Variants in GJB7 observed in about 807,000 individuals in gnomAD.
GJB7 encodes gap junction beta-7 protein.
For synonymous variants in GJB7, 87 were observed against 95.2 expected (o/e 0.91, Z 0.50); for missense variants, 253 against 256.8 (o/e 0.99, Z 0.10).
chr6:87,322,330 C>T (rs1413152913), intron 2 of GJB7: 1 of 152,204 alleles, frequency 6.6e-6, no homozygotes, highest in Non-Finnish European at 1.5e-5. Context: ...CAAACATACA[C>T]ACCGAACTGG....
intron 2 of GJB7, among the ~76,000 whole-genome samples, chr6:87,288,249 A>G (rs891047723): frequency 1.3e-5 from 2 of 152,226 alleles, no homozygotes; most frequent in Non-Finnish European, 2.9e-5. Context: ...TCTTTACAAT[A>G]AGAATATACA....
At chr6:87,323,734 T>C (rs1562218942) in intron 1 of GJB7, among the ~76,000 whole-genome samples, 1 of 152,126 alleles carries the variant, frequency 6.6e-6, no homozygotes, top group African/African-American at 2.4e-5. Context: ...GCAATAAACA[T>C]ACGTGTGCTT....
chr6:87,315,141 T>C (rs977565614), intron 2 of GJB7, among the ~76,000 whole-genome samples: 1 of 152,174 alleles, frequency 6.6e-6, no homozygotes, highest in Non-Finnish European at 1.5e-5. Context: ...AGTTGTTTTC[T>C]GGATGCTGCT....
In GJB7 at chr6:87,294,461, G is replaced by T. The variant is rs117082048; in HGVS notation, c.-27-9522C>A. Among the ~76,000 whole-genome samples the T allele has an allele frequency of 1.1e-3, 166 of 152,316 alleles. 3 individuals carry two copies. In the East Asian group the frequency reaches 0.028, roughly 25 times the overall value. On this transcript the variant is annotated intron_variant, in intron 2 of 2. Transcript: ENST00000525899. ...GCCCTATGAGAAGAACATGGTCAAG[G>T]TTCTAAGCATTAGCACCAGAGCTGG...
intron 2 of GJB7, among the ~76,000 whole-genome samples, chr6:87,312,463 A>G (rs1322743322): frequency 2.7e-5 from 4 of 150,298 alleles, no homozygotes; most frequent in African/African-American, 9.8e-5. Flanking sequence ...GTGAGCCGAG[A>G]TGACACCACT....
intron 2 of GJB7, among the ~76,000 whole-genome samples, chr6:87,306,339 AC>A (rs1776427399): frequency 6.6e-6 from 1 of 151,916 alleles, no homozygotes; most frequent in Admixed American, 6.6e-5. Flanking sequence ...AAGAAAAAAA[AC>A]AACCCCATCA....
chr6:87,297,706 T>G (rs1481626470), intron 2 of GJB7, among the ~76,000 whole-genome samples: 1 of 152,166 alleles, frequency 6.6e-6, no homozygotes, highest in East Asian at 1.9e-4. Context: ...TCTAGTAGAT[T>G]ATAGAAACAT....
chr6:87,303,966 T>C (rs1395766298), intron 2 of GJB7, among the ~76,000 whole-genome samples: 3 of 152,148 alleles, frequency 2.0e-5, no homozygotes, highest in Non-Finnish European at 4.4e-5. Flanking sequence ...AAAGATGTTC[T>C]TTGAAACCCA....
intron 2 of GJB7, among the ~76,000 whole-genome samples, chr6:87,297,732 A>C (rs1180119895): frequency 6.6e-6 from 1 of 152,146 alleles, no homozygotes; most frequent in African/African-American, 2.4e-5. Flanking sequence ...GGCTTCCACA[A>C]ATGATTACAG....
chr6:87,302,292 T>C (rs1040467412), intron 2 of GJB7, among the ~76,000 whole-genome samples: 1 of 151,906 alleles, frequency 6.6e-6, no homozygotes, highest in Non-Finnish European at 1.5e-5. Flanking sequence ...AAAAATTAGA[T>C]GAATGGCTAA....
intron 1 of GJB7, among the ~76,000 whole-genome samples, chr6:87,325,566 A>C (rs1375461556): frequency 6.7e-6 from 1 of 149,994 alleles, no homozygotes; most frequent in Non-Finnish European, 1.5e-5. Flanking sequence ...GCTGGATTAC[A>C]TTTATTGATT....
rs1562206982 is a variant in GJB7 at position 87,284,584 on chromosome 6, T to TA, written c.328dup (p.Tyr110LeufsTer22). On this transcript the variant is annotated frameshift_variant, in exon 3 of 3. Transcript: ENST00000525899. LOFTEE classifies it low-confidence loss of function (END_TRUNC). The stretch of plus-strand genomic sequence containing the variant: ...CCCATCCATTGTACCTGGGCTGACA[T>TA]AGAGTTTCTTTCTGTGCCTTTTCTC... 2.1e-5 allele frequency: 34 copies of TA among 1,614,126 alleles called. No individual in the cohort carries two copies. In the East Asian group the frequency reaches 7.6e-4, roughly 36 times the overall value.
intron 2 of GJB7, among the ~76,000 whole-genome samples, chr6:87,321,849 G>C (rs1029137434): frequency 6.6e-6 from 1 of 152,192 alleles, no homozygotes; most frequent in Non-Finnish European, 1.5e-5. Flanking sequence ...AGGAGAGAGA[G>C]AGAAAGAGAG....
chr6:87,298,089 G>T (rs1483991065), intron 2 of GJB7, among the ~76,000 whole-genome samples: 2 of 152,196 alleles, frequency 1.3e-5, no homozygotes, highest in African/African-American at 2.4e-5. Flanking sequence ...AAAGGGAATG[G>T]AGGGCTCTCC....
intron 2 of GJB7, chr6:87,300,303 G>T: frequency 5.6e-6 from 1 of 177,246 alleles, no homozygotes; most frequent in South Asian, 1.6e-4. Flanking sequence ...AGGAAAAATT[G>T]ACCCAACAAA....
rs544234482 is a variant in GJB7, at chr6:87,283,141, T to C, written c.*1100A>G. On this transcript the variant is annotated 3_prime_UTR_variant, in exon 3 of 3. Transcript: ENST00000525899. ...AACTTTTAAAACATTTTTGCACCAC[T>C]GTAACAACATAGTACACATTTTACT... The C allele has an allele frequency of 6.6e-6, 1 of 152,246 alleles. No homozygotes were observed. The highest frequency in any genetic ancestry group is 2.4e-5 in the African/African-American group (1 of 41,472). 9.4% of individuals were successfully genotyped at this position (152,246 alleles called of 1,614,324 possible). A position where few individuals can be genotyped will look rare whatever the true frequency, so the allele number is the denominator to read the frequency against.
At chr6:87,318,075 G>C (rs910950615) in intron 2 of GJB7, among the ~76,000 whole-genome samples, 1 of 150,618 alleles carries the variant, frequency 6.6e-6, no homozygotes, top group Non-Finnish European at 1.5e-5. Flanking sequence ...GGAAGAAAAA[G>C]AGTAATGAAT....
chr6:87,285,381 G>A (rs969644828), intron 2 of GJB7, among the ~76,000 whole-genome samples: 1 of 152,068 alleles, frequency 6.6e-6, no homozygotes, highest in African/African-American at 2.4e-5. Context: ...TCTCTAATTC[G>A]TTAATGCCCT....
At position 87,322,915 on chromosome 6, in the gene GJB7, C is replaced by G. The variant is rs573395810; in HGVS notation, c.-77G>C. On this transcript the variant is annotated 5_prime_UTR_variant, in exon 2 of 3. Transcript: ENST00000525899. ...GCTTCATCCATGGACACCCCCACCC[C>G]GAGAACTCTCTCGTTTCCTGCAGTT... 17 of 152,344 alleles carry G rather than the reference C, an allele frequency of 1.1e-4. No homozygotes were observed. The highest frequency in any genetic ancestry group is 4.1e-4 in the African/African-American group (17 of 41,442). The allele number at this position is 152,344 out of a possible 1,614,324, so 9.4% of individuals were successfully genotyped here.
Sources: gnomAD v4.1 joint callset for allele counts (sites outside exome capture counted in the v4.1 genomes callset) on GRCh38, gnomAD v4.1.1 for gene constraint, MANE v1.5 for transcripts, NCBI Gene and HGNC (gene_info 2026-07-23, HGNC 2026-07-21) for gene names.